The following COL12A1 variants were observed in gnomAD, a reference collection of about 807,000 sequenced individuals.
COL12A1 encodes collagen type XII alpha 1 chain, also known as collagen alpha-1(XII) chain.
A neutral mutation model predicts 349.7 loss-of-function variants in COL12A1; 114 were observed. That is an observed-to-expected ratio of 0.33 (90% CI 0.28 to 0.38). The LOEUF (loss-of-function observed/expected upper bound fraction) is 0.38, where lower values mean the gene tolerates loss of function less well. COL12A1 is among the 10% of genes least tolerant of loss of function. The pLI, the probability that COL12A1 is intolerant of heterozygous loss-of-function variation, is 1.00. For synonymous variants in COL12A1, 1,369 were observed against 1,329.0 expected (o/e 1.03, Z -0.66); for missense variants, 3,284 against 3,756.9 (o/e 0.87, Z 3.29).
intron 5 of COL12A1, among the ~76,000 whole-genome samples, chr6:75,190,760 T>C (rs1769885765): frequency 6.6e-6 from 1 of 151,812 alleles, no homozygotes; most frequent in South Asian, 2.1e-4. Flanking sequence ...TGCTGAAAAA[T>C]TTTGCAAGCC....
chr6:75,089,437 G>T (rs895336136), intron 63 of COL12A1, among the ~76,000 whole-genome samples: 5 of 152,282 alleles, frequency 3.3e-5, no homozygotes, highest in Middle Eastern at 6.8e-3. Context: ...TTTTTAAATA[G>T]TAATTAGGAA....
Position 75,188,482 on chromosome 6 carries a change from G to A in COL12A1, c.877C>T (p.Leu293=), listed in dbSNP as rs1434966950. Residue 293 remains leucine (L), a synonymous_variant, in exon 8 of 66, where the codon CTG becomes TTG. Transcript: ENST00000322507. The stretch of plus-strand genomic sequence containing the variant: ...TTGGCCACATTGAAAACATGGTTCA[G>A]TGAAGGTGTGGAGGCAATTTGTTTG... ...ELKQIASTPS[L]NHVFNVANFD... 3 of 1,613,368 alleles carry A rather than the reference G, an allele frequency of 1.9e-6. No homozygotes were observed. In the Admixed American group the frequency reaches 5.0e-5, roughly 27 times the overall value.
intron 65 of COL12A1, 53 bp downstream of exon 65, chr6:75,087,524 G>GA: frequency 6.3e-7 from 1 of 1,584,028 alleles, no homozygotes; most frequent in African/African-American, 1.4e-5. Flanking sequence ...CTTCATTTCC[G>GA]TAAAGTTCTT....
chr6:75,155,935 G>A, intron 15 of COL12A1, 81 bp from the exon 16 acceptor site: 1 of 1,399,562 alleles, frequency 7.1e-7, no homozygotes, highest in Non-Finnish European at 9.6e-7. Flanking sequence ...CCACAAAAAT[G>A]CATATCCATA....
intron 12 of COL12A1, among the ~76,000 whole-genome samples, chr6:75,177,168 G>T (rs1769002369): frequency 6.6e-6 from 1 of 152,156 alleles, no homozygotes; most frequent in Non-Finnish European, 1.5e-5. Context: ...CGGGCGTGGT[G>T]GCTCACGTCT....
chr6:75,089,101 C>A lies in COL12A1; in HGVS notation c.9010+5G>T. On this transcript the variant is annotated splice_donor_5th_base_variant and intron_variant, in intron 64 of 65. Coordinates refer to ENST00000322507, the MANE Select transcript of COL12A1 (RefSeq NM_004370.6). ...TTTGCCTGTTTAAAATACTAGCAAACCTACCTGGGGGGCCAGGCAGCCCCC... is the reference window on the plus strand; with the variant it reads ...TTTGCCTGTTTAAAATACTAGCAAAACTACCTGGGGGGCCAGGCAGCCCCC... The A allele has an allele frequency of 1.2e-6, 2 of 1,608,256 alleles. No homozygotes were observed. The highest frequency in any genetic ancestry group is 8.5e-7 in the Non-Finnish European group (1 of 1,177,110).
Position 75,101,632 on chromosome 6 carries a change from G to A in COL12A1, c.8491C>T (p.Pro2831Ser), listed in dbSNP as rs2149343047. The A allele has an allele frequency of 1.9e-6, 3 of 1,613,646 alleles. No individual in the cohort carries two copies. Among genetic ancestry groups the A allele is most frequent in the Non-Finnish European group, 1.7e-6 (2 of 1,179,758 alleles). The change falls in exon 58 of 66, where the codon CCA becomes TCA. Residue 2831 changes from proline to serine, a missense_variant. Coordinates refer to ENST00000322507, the MANE Select transcript of COL12A1 (RefSeq NM_004370.6). ...GRTGTPGLPGPPGPMGPPGDR... is the reference protein window; with the variant it reads ...GRTGTPGLPGSPGPMGPPGDR... ...CCTGGAGGTCCCATTGGTCCTGGTG[G>A]GCCAGGTAATCCTGGGGTTCCCTGC...
intron 49 of COL12A1, among the ~76,000 whole-genome samples, chr6:75,114,506 G>C (rs1402040169): frequency 1.3e-5 from 2 of 151,928 alleles, no homozygotes; most frequent in Non-Finnish European, 2.9e-5. Flanking sequence ...CTTTGAAGTG[G>C]AATTGATGGT....
intron 53 of COL12A1, among the ~76,000 whole-genome samples, chr6:75,106,038 CA>C (rs1172888904): frequency 6.6e-6 from 1 of 152,126 alleles, no homozygotes; most frequent in Non-Finnish European, 1.5e-5. Flanking sequence ...GTCATCATCT[CA>C]AAAAGAAATA....
Position 75,133,320 on chromosome 6 carries a change from C to T in COL12A1, c.5767G>A (p.Gly1923Arg), listed in dbSNP as rs764600940. The T allele has an allele frequency of 7.5e-6, 12 of 1,600,918 alleles. No homozygotes were observed. In the East Asian group the frequency reaches 1.1e-4, roughly 15 times the overall value. Residue 1923 changes from glycine to arginine, a missense_variant, in exon 34 of 66, where the codon GGA becomes AGA. Physicochemically the swap from Gly to Arg is moderately radical, Grantham distance 125 (BLOSUM62 -2). Around this residue, in one of 2 missense-constraint regions of COL12A1, gnomAD observed 2,601 missense variants for 2,824.8 expected, o/e 0.92. Transcript: ENST00000322507. ...VVPVYTEGDG[G>R]RTSDTGRTLM... ...GTCCTTCCAGTATCTGATGTGCGTC[C>T]CCCATCACCTTCAGTATAAACGGGA...
At position 75,166,428 on chromosome 6, in the gene COL12A1, A is replaced by G. The variant is rs1768311036; in HGVS notation, c.2711-649T>C. Among the ~76,000 whole-genome samples the G allele has an allele frequency of 2.6e-5, 4 of 152,322 alleles. No individual in the cohort carries two copies. The South Asian group carries it at 8.3e-4, about 32-fold the overall frequency. On this transcript the variant is annotated intron_variant, in intron 13 of 65. Transcript: ENST00000322507. ...CTTAAAAGTGATTAGTCACCAAAAT[A>G]AAACATACCACTTGTTCTAGCTGAT...
rs768570480 is a variant in COL12A1, at chr6:75,152,507, A to T, written c.3566-25T>A. 10 of 1,612,268 alleles carry T rather than the reference A, an allele frequency of 6.2e-6. No homozygotes were observed. The Admixed American group carries it at 1.7e-4, about 27-fold the overall frequency. Reference sequence around the variant, plus strand: ...CCTGACATGGCAATCATGAGACAAGACAGTAAGAAGCAAATTGTTGGCAAG... The same window carrying T: ...CCTGACATGGCAATCATGAGACAAGTCAGTAAGAAGCAAATTGTTGGCAAG... On this transcript the variant is annotated intron_variant, in intron 17 of 65. Transcript: ENST00000322507.
In COL12A1 at chr6:75,183,576, G is replaced by A. The variant is rs192004528; in HGVS notation, c.1365C>T (p.Asn455=). 5.2e-5 allele frequency: 84 copies of A among 1,614,044 alleles called. No individual in the cohort carries two copies. In the East Asian group the frequency reaches 1.8e-3, roughly 35 times the overall value. ...CCAAAAAGGCTCTAACTTTAACAAA[G>A]TTTGCAATCCCAATGCTATAGGAGC... The part of the protein sequence containing the change: ...VDGSYSIGIA[N]FVKVRAFLEV... The change falls in exon 10 of 66, where the codon AAC becomes AAT. Residue 455 remains asparagine, a synonymous_variant. Coordinates refer to ENST00000322507, the MANE Select transcript of COL12A1 (RefSeq NM_004370.6).
At chr6:75,197,728 A>G (rs959040377) in intron 2 of COL12A1, among the ~76,000 whole-genome samples, 1 of 152,180 alleles carries the variant, frequency 6.6e-6, no homozygotes, top group African/African-American at 2.4e-5. Context: ...ATAAATAACA[A>G]TCTTACATAT....
rs765658105 is a variant in COL12A1, at chr6:75,137,429, A to C, written c.5394+8T>G. The C allele has an allele frequency of 1.3e-6, 2 of 1,560,288 alleles. No individual in the cohort carries two copies. Among genetic ancestry groups the C allele is most frequent in the Admixed American group, 4.1e-5 (2 of 48,724 alleles). On this transcript the variant is annotated splice_region_variant and intron_variant, in intron 31 of 65. Transcript: ENST00000322507. ...TAATCCAAGTTATAATTTTTATTAA[A>C]AAATTACCGTTTGCTCATTGCCTTC...
intron 14 of COL12A1, among the ~76,000 whole-genome samples, chr6:75,157,327 T>C (rs1213732897): frequency 1.3e-5 from 2 of 151,738 alleles, no homozygotes; most frequent in African/African-American, 2.4e-5. Context: ...ACATGTTCTA[T>C]AGAAAAAGAT....
chr6:75,176,596 G>C (rs1768972029), intron 12 of COL12A1, among the ~76,000 whole-genome samples: 1 of 152,196 alleles, frequency 6.6e-6, no homozygotes. Context: ...AATGTCTGCA[G>C]TAGGACAGTA....
intron 13 of COL12A1, 48 bp from the exon 14 acceptor site, chr6:75,165,827 T>C: frequency 6.5e-7 from 1 of 1,543,206 alleles, no homozygotes; most frequent in Non-Finnish European, 8.9e-7. Flanking sequence ...GTCTAGTAGG[T>C]ATTTAAGTAT....
At chr6:75,140,773 A>T (rs116773629) in intron 27 of COL12A1, among the ~76,000 whole-genome samples, 240 of 152,062 alleles carry the variant, frequency 1.6e-3, no homozygotes, top group African/African-American at 5.6e-3. Flanking sequence ...AATTTTCTGG[A>T]AAGGAGGAAA....
Sources: allele counts gnomAD v4.1 joint callset (sites outside exome capture counted in the v4.1 genomes callset), GRCh38; gene constraint gnomAD v4.1.1; regional missense constraint gnomAD v4.1.1; transcripts MANE v1.5; gene names NCBI Gene and HGNC (gene_info 2026-07-23, HGNC 2026-07-21).